Variants in GPR132 observed in about 807,000 individuals in gnomAD.
GPR132 encodes the protein probable G protein-coupled receptor 132.
Under a neutral mutation model 1.9 loss-of-function variants are expected in GPR132, and 4 were observed. The ratio of observed to expected loss-of-function variants is 2.13; its 90% CI spans 1.05 to 4.87. The LOEUF (loss-of-function observed/expected upper bound fraction) is 4.87, where lower values mean the gene tolerates loss of function less well. Among genes scored for constraint, GPR132 ranks in the 30% most tolerant of loss-of-function variants. The probability of loss-of-function intolerance (pLI) is 0.01; values close to 1 mark genes in which losing one functional copy is unlikely to be tolerated. For missense variants in GPR132, 404 were observed against 512.5 expected (o/e 0.79, Z 2.04); for synonymous variants, 233 against 234.2 (o/e 0.99, Z 0.05).
Position 105,060,086 on chromosome 14 carries a change from G to A in GPR132, c.-860-2806C>T, listed in dbSNP as rs568501650. 1.4e-4 allele frequency among the ~76,000 whole-genome samples: 21 copies of A among 152,300 alleles called. No individual in the cohort carries two copies. The highest frequency in any genetic ancestry group is 9.8e-4 in the Admixed American group (15 of 15,294). On this transcript the variant is annotated intron_variant, in intron 1 of 3. Transcript: ENST00000329797. This position sits in a 1 kb window ranked among gnomAD's most constrained non-coding sequence, Gnocchi z 6.3. ...AAGTATGCACTGCTCCCTGCATCTC[G>A]GGCCAGCCCCCTGAGTGGAGATGGT...
chr14:105,051,347 CG>C lies in GPR132; in HGVS notation c.789del (p.Val264SerfsTer36). 6.2e-7 allele frequency: 1 copy of C among 1,613,958 alleles called. No individual in the cohort carries two copies. The highest frequency in any genetic ancestry group is 8.5e-7 in the Non-Finnish European group (1 of 1,179,840). ...TAGTAGGAAAAGGCAGCGGCTTTGA[CG>C]AGGAGAACCAGGTGGTACGGGGCGA... ...VCFAPYHLVLLVKAAAFSYYR... is the reference protein window; with the variant it reads ...VCFAPYHLVLXVKAAAFSYYR... On this transcript the variant is annotated frameshift_variant, in exon 4 of 4. Transcript: ENST00000329797. LOFTEE classifies it low-confidence loss of function (END_TRUNC). The surrounding 1 kb of genome is among the most constrained non-coding windows in gnomAD (Gnocchi z 8.0).
chr14:105,051,325 T>C lies in GPR132; in HGVS notation c.812A>G (p.Tyr271Cys). The C allele has an allele frequency of 6.2e-7, 1 of 1,613,816 alleles. No homozygotes were observed. The highest frequency in any genetic ancestry group is 1.3e-5 in the African/African-American group (1 of 75,010). ...VLLVKAAAFSYYRGDRNAMCG... is the reference protein window; with the variant it reads ...VLLVKAAAFSCYRGDRNAMCG... ...CATGGCGTTCCTGTCTCCTCTGTAG[T>C]AGGAAAAGGCAGCGGCTTTGACGAG... The change falls in exon 4 of 4, where the codon TAC becomes TGC. Residue 271 changes from tyrosine (Y) to cysteine (C), a missense_variant. Physicochemically the swap from Tyr to Cys is radical, Grantham distance 194. Transcript: ENST00000329797. This position sits in a 1 kb window ranked among gnomAD's most constrained non-coding sequence, Gnocchi z 8.0.
At position 105,055,511 on chromosome 14, in the gene GPR132, G is replaced by A. The variant is rs373421140; in HGVS notation, c.-91C>T. The stretch of plus-strand genomic sequence containing the variant: ...CTCTGCCCCAGGAAGCACTCGCTCC[G>A]CATTTGCTCCCAGCCCCCAGGCCTC... On this transcript the variant is annotated 5_prime_UTR_variant, in exon 3 of 4. Coordinates refer to ENST00000329797, the MANE Select transcript of GPR132 (RefSeq NM_013345.4). The surrounding 1 kb of genome is among the most constrained non-coding windows in gnomAD (Gnocchi z 4.7). The A allele has an allele frequency of 2.6e-3, 1,963 of 764,272 alleles. 5 individuals carry two copies. Among genetic ancestry groups the A allele is most frequent in the Non-Finnish European group, 3.8e-3 (1,528 of 405,586 alleles). 47.3% of individuals were successfully genotyped at this position (764,272 alleles called of 1,614,324 possible).
chr14:105,057,511 CTTTTTT>C (rs11299805), intron 1 of GPR132: 43 of 88,864 alleles, frequency 4.8e-4, no homozygotes, highest in Non-Finnish European at 8.2e-4. Flanking sequence ...ACATACGATT[CTTTTTT>C]TTTTTTTTTT....
chr14:105,061,535 G>C (rs1042118792), intron 1 of GPR132, among the ~76,000 whole-genome samples: 14 of 152,164 alleles, frequency 9.2e-5, no homozygotes, highest in Non-Finnish European at 1.8e-4. Flanking sequence ...GTCTGTCCTG[G>C]CCCGGGGCCA....
rs1176107476 is a variant in GPR132 at position 105,050,157 on chromosome 14, C to G, written c.*837G>C. 6.6e-6 allele frequency: 1 copy of G among 152,446 alleles called. No homozygotes were observed. Among genetic ancestry groups the G allele is most frequent in the Non-Finnish European group, 1.5e-5 (1 of 68,222 alleles). 9.4% of individuals were successfully genotyped at this position (152,446 alleles called of 1,614,324 possible). A position where few individuals can be genotyped will look rare whatever the true frequency, so the allele number is the denominator to read the frequency against. ...CAGCCCCGAGGGTGCAGGGAGCTGG[C>G]TTTCTCCGCCAGACAAGCAGGCCAA... On this transcript the variant is annotated 3_prime_UTR_variant, in exon 4 of 4. Coordinates refer to ENST00000329797, the MANE Select transcript of GPR132 (RefSeq NM_013345.4). This position sits in a 1 kb window ranked among gnomAD's most constrained non-coding sequence, Gnocchi z 4.0.
At chr14:105,062,515 T>C (rs535942061) in intron 1 of GPR132, among the ~76,000 whole-genome samples, 4 of 151,404 alleles carry the variant, frequency 2.6e-5, no homozygotes, top group East Asian at 2.0e-4. Flanking sequence ...GCCTTTTCTT[T>C]CTTTTCTTTC....
intron 3 of GPR132, among the ~76,000 whole-genome samples, chr14:105,053,056 C>T (rs924360918): frequency 1.3e-5 from 2 of 151,766 alleles, no homozygotes; most frequent in African/African-American, 4.8e-5. Context: ...GGCGCTGCTA[C>T]TATGCCCTTC....
chr14:105,052,378 A>G (rs926888005), intron 3 of GPR132, among the ~76,000 whole-genome samples: 22 of 151,850 alleles, frequency 1.4e-4, no homozygotes, highest in African/African-American at 5.1e-4. Flanking sequence ...CCCAGGTTGG[A>G]GTGCAGTGGC....
In GPR132 at chr14:105,055,175, C is replaced by T. The variant is rs1336693495; in HGVS notation, c.34+212G>A. Among the ~76,000 whole-genome samples the T allele has an allele frequency of 6.6e-6, 1 of 151,808 alleles. No individual in the cohort carries two copies. The highest frequency in any genetic ancestry group is 2.4e-5 in the African/African-American group (1 of 41,336). ...TGAAATCCCATCTCTATTAAAAATA[C>T]AAATATTAGCCAGGCGTGGTGGGCA... is the stretch of plus-strand genomic sequence containing the variant. On this transcript the variant is annotated intron_variant, in intron 3 of 3. Transcript: ENST00000329797. The surrounding 1 kb of genome is among the most constrained non-coding windows in gnomAD (Gnocchi z 4.7).
rs1268001568 is a variant in GPR132, at chr14:105,052,122, G to A, written c.35-20C>T. 2.6e-6 allele frequency: 4 copies of A among 1,532,992 alleles called. No individual in the cohort carries two copies. Among genetic ancestry groups the A allele is most frequent in the Admixed American group, 1.9e-5 (1 of 52,312 alleles). The allele number at this position is 1,532,992 out of a possible 1,614,324, so 95.0% of individuals were successfully genotyped here. ...CGTTTCCTGTGGGACAGAGACAAGA[G>A]TGAGGACGGGAGTCCCTGGAAACCA... On this transcript the variant is annotated intron_variant, in intron 3 of 3. Coordinates refer to ENST00000329797, the MANE Select transcript of GPR132 (RefSeq NM_013345.4).
At chr14:105,054,113 G>T (rs1353988963) in intron 3 of GPR132, 4 of 1,287,922 alleles carry the variant, frequency 3.1e-6, no homozygotes, top group Non-Finnish European at 2.0e-6. Flanking sequence ...TACAGATCAT[G>T]GAGTCCCACC....
Position 105,057,167 on chromosome 14 carries a change from C to T in GPR132, c.-747G>A. On this transcript the variant is annotated splice_region_variant and 5_prime_UTR_variant, in exon 2 of 4. Coordinates refer to ENST00000329797, the MANE Select transcript of GPR132 (RefSeq NM_013345.4). ...TCAAAGTCGGAGAAGGCTCTCTCACCTGGCATATTTTGCGGGTTCCAATCT... is the reference window on the plus strand; with the variant it reads ...TCAAAGTCGGAGAAGGCTCTCTCACTTGGCATATTTTGCGGGTTCCAATCT... 6.5e-7 allele frequency: 1 copy of T among 1,533,418 alleles called. No individual in the cohort carries two copies. The highest frequency in any genetic ancestry group is 8.7e-7 in the Non-Finnish European group (1 of 1,144,496). The allele number at this position is 1,533,418 out of a possible 1,614,324, so 95.0% of individuals were successfully genotyped here.
At chr14:105,052,577 T>C in intron 3 of GPR132, among the ~76,000 whole-genome samples, 1 of 151,684 alleles carries the variant, frequency 6.6e-6, no homozygotes, top group East Asian at 2.0e-4. Flanking sequence ...TCCGCCTGCA[T>C]CAGCTTCCCA....
rs1393657344 is a variant in GPR132 at position 105,051,710 on chromosome 14, C to T, written c.427G>A (p.Ala143Thr). ...LCCISCDRFV[A>T]VVYALESRGR... ...CGACTCTCCAGCGCGTACACCACGGCCACGAAGCGGTCGCAGGAGATGCAG... is the reference window on the plus strand; with the variant it reads ...CGACTCTCCAGCGCGTACACCACGGTCACGAAGCGGTCGCAGGAGATGCAG... Residue 143 changes from alanine to threonine, a missense_variant, in exon 4 of 4, where the codon GCC (alanine) becomes ACC (threonine). Ala to Thr is a moderately conservative substitution (Grantham distance 58). Transcript: ENST00000329797. The surrounding 1 kb of genome is among the most constrained non-coding windows in gnomAD (Gnocchi z 8.0). 1.2e-6 allele frequency: 2 copies of T among 1,613,928 alleles called. No individual in the cohort carries two copies. The highest frequency in any genetic ancestry group is 2.2e-5 in the South Asian group (2 of 91,088).
At position 105,056,252 on chromosome 14, in the gene GPR132, C is replaced by T. The variant is rs995328697; in HGVS notation, c.-746-86G>A. 1.5e-5 allele frequency: 12 copies of T among 787,624 alleles called. No homozygotes were observed. The highest frequency in any genetic ancestry group is 1.9e-5 in the African/African-American group (1 of 53,500). 48.8% of individuals were successfully genotyped at this position (787,624 alleles called of 1,614,324 possible). On this transcript the variant is annotated intron_variant, in intron 2 of 3. Transcript: ENST00000329797. The surrounding 1 kb of genome is among the most constrained non-coding windows in gnomAD (Gnocchi z 6.0). ...GCCCAAGACACAGGCCTGTGGCGGG[C>T]GGCGGGGGGCAGTGAAGGCAGTTCT...
chr14:105,054,481 G>C, intron 3 of GPR132: 4 of 865,614 alleles, frequency 4.6e-6, no homozygotes, highest in Non-Finnish European at 5.5e-6. Flanking sequence ...GCCCAGGCTG[G>C]AGTGCAGTGG....
chr14:105,051,334 G>C lies in GPR132; in HGVS notation c.803C>G (p.Ala268Gly). 6.2e-7 allele frequency: 1 copy of C among 1,614,004 alleles called. No homozygotes were observed. Among genetic ancestry groups the C allele is most frequent in the Non-Finnish European group, 8.5e-7 (1 of 1,179,848 alleles). The change falls in exon 4 of 4, where the codon GCC becomes GGC. Residue 268 changes from alanine (A) to glycine (G), a missense_variant. Transcript: ENST00000329797. This position sits in a 1 kb window ranked among gnomAD's most constrained non-coding sequence, Gnocchi z 8.0. ...YHLVLLVKAA[A>G]FSYYRGDRNA... ...CCTGTCTCCTCTGTAGTAGGAAAAG[G>C]CAGCGGCTTTGACGAGGAGAACCAG...
chr14:105,052,576 A>C (rs1400522300), intron 3 of GPR132, among the ~76,000 whole-genome samples: 2 of 151,604 alleles, frequency 1.3e-5, no homozygotes, highest in Non-Finnish European at 2.9e-5. Context: ...ATCCGCCTGC[A>C]TCAGCTTCCC....
Sources: gnomAD v4.1 joint callset for allele counts (sites outside exome capture counted in the v4.1 genomes callset) on GRCh38, gnomAD v4.1.1 for gene constraint, Gnocchi (gnomAD v3.1) non-coding constraint, MANE v1.5 for transcripts, NCBI Gene and HGNC (gene_info 2026-07-23, HGNC 2026-07-21) for gene names.